SYNE2: variants seen among roughly 807,000 people sequenced by gnomAD.
SYNE2 encodes the protein spectrin repeat containing nuclear envelope protein 2, also known as nesprin-2.
Under a neutral mutation model 856.3 loss-of-function variants are expected in SYNE2, and 431 were observed. That is an observed-to-expected ratio of 0.50 (90% CI 0.47 to 0.55). SYNE2 has a LOEUF of 0.55. Among genes scored for constraint, SYNE2 ranks in the 20% least tolerant of loss-of-function variants. SYNE2 has a pLI of 0.00. For synonymous variants in SYNE2, 2,923 were observed against 2,872.3 expected, an observed-to-expected ratio of 1.02 and a Z score of -0.56; for missense variants, 8,129 against 8,023.2, an observed-to-expected ratio of 1.01 and a Z score of -0.50.
intron 45 of SYNE2, among the ~76,000 whole-genome samples, chr14:64,031,781 T>G (rs2097038477): frequency 6.6e-6 from 1 of 152,234 alleles, no homozygotes; most frequent in Non-Finnish European, 1.5e-5. Context: ...ATCTTTTTCT[T>G]CTTGTGTTAA....
chr14:64,192,004 C>A (rs2139674648), intron 99 of SYNE2, among the ~76,000 whole-genome samples: 1 of 152,226 alleles, frequency 6.6e-6, no homozygotes, highest in South Asian at 2.1e-4. Flanking sequence ...TGGTATGGGG[C>A]CAGCACATAT....
At chr14:64,210,973 T>TTC (rs1021170235) in intron 103 of SYNE2, among the ~76,000 whole-genome samples, 1 of 152,038 alleles carries the variant, frequency 6.6e-6, no homozygotes, top group Non-Finnish European at 1.5e-5. Flanking sequence ...CCGTCTTTCT[T>TTC]TCTCTCTCTT....
At chr14:64,160,699 G>A (rs771089656) in intron 87 of SYNE2, among the ~76,000 whole-genome samples, 7 of 152,282 alleles carry the variant, frequency 4.6e-5, no homozygotes, top group Non-Finnish European at 7.4e-5. Context: ...TTTCATGTTA[G>A]AATGTAAATA....
chr14:64,090,157 G>T (rs902247217), intron 59 of SYNE2, among the ~76,000 whole-genome samples: 29 of 152,194 alleles, frequency 1.9e-4, no homozygotes, highest in African/African-American at 7.0e-4. Flanking sequence ...GTGATTGAGA[G>T]CATGTGGTTT....
Position 64,223,174 on chromosome 14 carries a change from T to G in SYNE2, c.20191-15T>G, listed in dbSNP as rs199791375. 1.1e-5 allele frequency: 17 copies of G among 1,612,924 alleles called. No individual in the cohort carries two copies. The South Asian group carries it at 1.7e-4, about 16-fold the overall frequency. The stretch of plus-strand genomic sequence containing the variant: ...TTGGACAGGTCACTGTTTCACACAC[T>G]TTATCTGTTTTCAGCAACTGGAAAA... On this transcript the variant is annotated splice_polypyrimidine_tract_variant and intron_variant, in intron 112 of 115. Transcript: ENST00000555002.
intron 1 of SYNE2, among the ~76,000 whole-genome samples, chr14:63,784,762 A>G (rs1887450702): frequency 1.3e-5 from 2 of 152,188 alleles, no homozygotes; most frequent in South Asian, 4.1e-4. Flanking sequence ...ACTTATACCC[A>G]GGAGTTCGAG....
intron 38 of SYNE2, chr14:64,023,131 C>T: frequency 2.5e-6 from 1 of 407,024 alleles, no homozygotes; most frequent in South Asian, 2.4e-5. Flanking sequence ...GCAGCAAGTA[C>T]CTGTAGTCCC....
At chr14:63,763,483 G>C (rs993924873) in intron 1 of SYNE2, among the ~76,000 whole-genome samples, 1 of 152,030 alleles carries the variant, frequency 6.6e-6, no homozygotes, top group African/African-American at 2.4e-5. Context: ...GCCAAGGCAG[G>C]AGGATTGCTT....
chr14:63,823,613 T>C (rs1889310569), intron 1 of SYNE2, among the ~76,000 whole-genome samples: 1 of 140,788 alleles, frequency 7.1e-6, no homozygotes, highest in Admixed American at 7.6e-5. Flanking sequence ...AAACACCACA[T>C]GGAAGGAACA....
chr14:64,190,628 C>T (rs1244867963), intron 99 of SYNE2: 2 of 702,090 alleles, frequency 2.8e-6, no homozygotes, highest in Admixed American at 4.0e-5. Context: ...AGGGCACAGG[C>T]CTGGCTTCTG....
chr14:63,870,842 C>T (rs898110661), intron 1 of SYNE2, among the ~76,000 whole-genome samples: 1 of 152,140 alleles, frequency 6.6e-6, no homozygotes, highest in Non-Finnish European at 1.5e-5. Flanking sequence ...AAGATCAACA[C>T]CCCAGGAAAT....
intron 82 of SYNE2, among the ~76,000 whole-genome samples, chr14:64,142,780 G>A (rs1326800848): frequency 2.0e-5 from 3 of 152,204 alleles, no homozygotes; most frequent in Non-Finnish European, 4.4e-5. Flanking sequence ...AAGAGAATGA[G>A]TAAGAAAATA....
intron 63 of SYNE2, chr14:64,099,353 G>T: frequency 5.9e-6 from 1 of 168,664 alleles, no homozygotes; most frequent in South Asian, 1.4e-4. Flanking sequence ...TAAGACAAAA[G>T]GAAGAAAATT....
intron 1 of SYNE2, among the ~76,000 whole-genome samples, chr14:63,807,315 C>A: frequency 6.8e-6 from 1 of 146,858 alleles, no homozygotes. Flanking sequence ...ACATTTCAGC[C>A]TGGATGACAG....
At chr14:64,224,959 C>G (rs1000465281) in intron 114 of SYNE2, 40 bp from the exon 115 acceptor site, 6 of 1,581,560 alleles carry the variant, frequency 3.8e-6, no homozygotes, top group Non-Finnish European at 5.2e-6. Flanking sequence ...TAGGACTAAA[C>G]TGTCTTCAAC....
chr14:64,030,048 C>T lies in SYNE2; in HGVS notation c.6868C>T (p.Gln2290Ter), dbSNP rs761775954. The T allele has an allele frequency of 6.2e-7, 1 of 1,613,664 alleles. No individual in the cohort carries two copies. The change falls in exon 44 of 116, where the codon CAG (glutamine) becomes TAG (stop). Residue 2290 changes from glutamine to a stop codon, truncating the protein, a stop_gained. Coordinates refer to ENST00000555002, the MANE Select transcript of SYNE2 (RefSeq NM_182914.3). LOFTEE classifies it high-confidence loss of function. ...TCAAATAGCGGTTGAGGAAAAATTG[C>T]AGAAACTGCAGGTACTAAACGGTGT... ...VDQIAVEEKL[Q>*]KLQELENRLS...
At chr14:63,944,513 C>CTTT (rs2095986073) in intron 6 of SYNE2, among the ~76,000 whole-genome samples, 5 of 132,526 alleles carry the variant, frequency 3.8e-5, no homozygotes, top group African/African-American at 1.5e-4. Context: ...AACTTAAAGC[C>CTTT]TTTCTTTTTT....
intron 11 of SYNE2, among the ~76,000 whole-genome samples, chr14:63,971,513 G>A (rs1595951845): frequency 6.6e-6 from 1 of 151,004 alleles, no homozygotes; most frequent in East Asian, 1.9e-4. Context: ...ATGCTATAGT[G>A]GTTTTATATA....
At chr14:63,945,104 C>CT (rs34692882) in intron 6 of SYNE2, among the ~76,000 whole-genome samples, 4,276 of 106,094 alleles carry the variant, frequency 0.04, 129 homozygotes, top group Non-Finnish European at 0.06. Context: ...CACACCTGGC[C>CT]TTTTTTTTTT....
Sources: gnomAD v4.1 joint callset for allele counts (sites outside exome capture counted in the v4.1 genomes callset) on GRCh38, gnomAD v4.1.1 for gene constraint, MANE v1.5 for transcripts, NCBI Gene and HGNC (gene_info 2026-07-23, HGNC 2026-07-21) for gene names.